The following MTOR variants were observed in gnomAD, a reference collection of about 807,000 sequenced individuals.
MTOR encodes serine/threonine-protein kinase mTOR.
A neutral mutation model predicts 319.8 loss-of-function variants in MTOR; 70 were observed. The observed-to-expected ratio is 0.22, with a 90% CI of 0.18 to 0.27. The LOEUF (loss-of-function observed/expected upper bound fraction) is 0.27, where lower values mean the gene tolerates loss of function less well. Ranked by LOEUF, MTOR falls within the 10% of genes least tolerant of loss-of-function variation. The pLI is 1.00. For synonymous variants in MTOR, 1,183 were observed against 1,211.4 expected (o/e 0.98, Z 0.49); for missense variants, 1,890 against 3,274.4 (o/e 0.58, Z 10.32).
chr1:11,119,067 C>T (rs1325945521), intron 49 of MTOR, among the ~76,000 whole-genome samples: 1 of 152,118 alleles, frequency 6.6e-6, no homozygotes, highest in African/African-American at 2.4e-5. Context: ...AAAAAAAACC[C>T]TGTAACTAGT....
intron 28 of MTOR, among the ~76,000 whole-genome samples, chr1:11,185,105 G>C (rs1645272402): frequency 6.6e-6 from 1 of 152,102 alleles, no homozygotes; most frequent in Non-Finnish European, 1.5e-5. Flanking sequence ...CTTGTCCTCT[G>C]TGTCTCCCAT....
In MTOR at chr1:11,167,573, G is replaced by A. The variant is rs1385097037; in HGVS notation, c.4254-56C>T. On this transcript the variant is annotated intron_variant, in intron 28 of 57. Transcript: ENST00000361445. ...CTCAACAGGTCTGAGGGTAGGAGAT[G>A]TGGGGGTCATTTGTGGGCAGATGGT... 2.1e-6 allele frequency: 3 copies of A among 1,408,694 alleles called. No homozygotes were observed. In the Admixed American group the frequency reaches 5.0e-5, roughly 24 times the overall value. The allele number at this position is 1,408,694 out of a possible 1,614,324, so 87.3% of individuals were successfully genotyped here.
In MTOR at chr1:11,239,800, G is replaced by T. The variant is rs535741770; in HGVS notation, c.1786+503C>A. On this transcript the variant is annotated intron_variant, in intron 11 of 57. Transcript: ENST00000361445. Reference sequence around the variant, plus strand: ...CGCGCCTATAGTCCCAGCTACTCGGGAGGCTGTGGCAGGAGAATCGCTTGA... The same window carrying T: ...CGCGCCTATAGTCCCAGCTACTCGGTAGGCTGTGGCAGGAGAATCGCTTGA... Among the ~76,000 whole-genome samples the T allele has an allele frequency of 1.6e-3, 246 of 151,980 alleles. 1 individual carries two copies. The highest frequency in any genetic ancestry group is 5.6e-3 in the African/African-American group (234 of 41,420).
At chr1:11,235,705 C>A (rs974200513) in intron 13 of MTOR, among the ~76,000 whole-genome samples, 1 of 152,108 alleles carries the variant, frequency 6.6e-6, no homozygotes, top group African/African-American at 2.4e-5. Context: ...TAGAGCCAGC[C>A]GGGCGAGGTG....
intron 30 of MTOR, among the ~76,000 whole-genome samples, chr1:11,151,949 GT>G (rs1418267865): frequency 1.3e-5 from 2 of 152,194 alleles, no homozygotes; most frequent in Non-Finnish European, 2.9e-5. Context: ...AGCAAGTTCA[GT>G]GCTGAAATCC....
chr1:11,124,425 G>A (rs1642712686), intron 47 of MTOR, 73 bp downstream of exon 47: 2 of 1,553,924 alleles, frequency 1.3e-6, no homozygotes, highest in Admixed American at 1.8e-5. Flanking sequence ...TATAATACAT[G>A]ACTACACGAG....
At chr1:11,170,584 C>A (rs1430570239) in intron 28 of MTOR, among the ~76,000 whole-genome samples, 2 of 151,116 alleles carry the variant, frequency 1.3e-5, no homozygotes, top group African/African-American at 2.4e-5. Context: ...AAAAAGAAAG[C>A]CAGTATATAG....
rs1182513423 is a variant in MTOR at position 11,127,032 on chromosome 1, C to A, written c.6329G>T (p.Arg2110Leu). The stretch of plus-strand genomic sequence containing the variant: ...TACCTGAGGCAGCTGCTTTGAGATT[C>A]GTCGGAACACATGATAATAGAGGTC... The part of the protein sequence containing the change: ...AWDLYYHVFR[R>L]ISKQLPQLTS... Residue 2110 changes from arginine to leucine, a missense_variant, in exon 45 of 58, where the codon CGA becomes CTA. Physicochemically the swap from Arg to Leu is moderately radical, Grantham distance 102. Around this residue, in one of 15 missense-constraint regions of MTOR, gnomAD observed 249 missense variants for 596.2 expected, o/e 0.42. Transcript: ENST00000361445. The surrounding 1 kb of genome is among the most constrained non-coding windows in gnomAD (Gnocchi z 5.5). The A allele has an allele frequency of 6.2e-7, 1 of 1,614,128 alleles. No homozygotes were observed. Among genetic ancestry groups the A allele is most frequent in the South Asian group, 1.1e-5 (1 of 91,072 alleles).
chr1:11,142,022 T>TA (rs1643735050), intron 34 of MTOR, among the ~76,000 whole-genome samples: 1 of 151,050 alleles, frequency 6.6e-6, no homozygotes, highest in Non-Finnish European at 1.5e-5. Flanking sequence ...AATAAATAAA[T>TA]AAATAAAATA....
chr1:11,148,632 T>C (rs566998615), intron 31 of MTOR, among the ~76,000 whole-genome samples: 2 of 152,266 alleles, frequency 1.3e-5, no homozygotes, highest in South Asian at 4.2e-4. Flanking sequence ...CCAGGCGCTG[T>C]GGCTCACACC....
intron 28 of MTOR, among the ~76,000 whole-genome samples, chr1:11,177,405 A>G (rs1369085910): frequency 6.6e-6 from 1 of 152,126 alleles, no homozygotes; most frequent in African/African-American, 2.4e-5. Flanking sequence ...AAAAAATTTA[A>G]AAATTAGCTG....
rs1316350704 is a variant in MTOR, at chr1:11,121,404, C to T, written c.6811-36G>A. 6.2e-7 allele frequency: 1 copy of T among 1,611,668 alleles called. No individual in the cohort carries two copies. The highest frequency in any genetic ancestry group is 8.5e-7 in the Non-Finnish European group (1 of 1,179,184). The stretch of plus-strand genomic sequence containing the variant: ...ACACAACTGTTCAGTAAGAGAGCAG[C>T]CTAAGACATGTAGTTTGGGTCCAGG... On this transcript the variant is annotated intron_variant, in intron 48 of 57. Transcript: ENST00000361445. This position sits in a 1 kb window ranked among gnomAD's most constrained non-coding sequence, Gnocchi z 4.9.
At chr1:11,196,840 G>A (rs1354734753) in intron 28 of MTOR, among the ~76,000 whole-genome samples, 3 of 146,906 alleles carry the variant, frequency 2.0e-5, no homozygotes, top group Admixed American at 6.8e-5. Context: ...GACAGAGCGC[G>A]ACTCCATCTA....
At chr1:11,156,508 C>A (rs1644323654) in intron 30 of MTOR, among the ~76,000 whole-genome samples, 3 of 152,260 alleles carry the variant, frequency 2.0e-5, no homozygotes, top group African/African-American at 7.2e-5. Flanking sequence ...TTCCCCCCTA[C>A]CTTCTCCTTT....
intron 18 of MTOR, 125 bp from the exon 19 acceptor site, chr1:11,229,043 T>C (rs1646935800): frequency 8.1e-7 from 1 of 1,232,420 alleles, no homozygotes; most frequent in Non-Finnish European, 1.1e-6. Context: ...CCTAGTATGT[T>C]CTAACACTGT....
At chr1:11,172,149 C>T (rs1216549804) in intron 28 of MTOR, among the ~76,000 whole-genome samples, 7 of 150,818 alleles carry the variant, frequency 4.6e-5, no homozygotes, top group Admixed American at 4.6e-4. Context: ...GGAAAGAGGG[C>T]AACAGGCTGG....
At chr1:11,134,279 C>T in intron 37 of MTOR, 72 bp downstream of exon 37, 1 of 1,405,658 alleles carries the variant, frequency 7.1e-7, no homozygotes, top group Non-Finnish European at 1.0e-6. Flanking sequence ...GCCTTGAACT[C>T]CTCCTTGCTG....
chr1:11,146,537 C>G, intron 32 of MTOR, 139 bp downstream of exon 32: 1 of 673,278 alleles, frequency 1.5e-6, no homozygotes, highest in Admixed American at 2.4e-5. Flanking sequence ...TACAATGAAT[C>G]AAAACCATTC....
Position 11,216,128 on chromosome 1 carries a change from A to C in MTOR, c.3117+20T>G. The C allele has an allele frequency of 4.4e-6, 7 of 1,588,406 alleles. No homozygotes were observed. Among genetic ancestry groups the C allele is most frequent in the Non-Finnish European group, 6.0e-6 (7 of 1,157,550 alleles). On this transcript the variant is annotated intron_variant, in intron 20 of 57. Coordinates refer to ENST00000361445, the MANE Select transcript of MTOR (RefSeq NM_004958.4). ...CTTGACCCAAACATGGAAGAGGCCA[A>C]AGCATTAACTTCTACTCACTCTCAT...
Sources: gnomAD v4.1 joint callset for allele counts (sites outside exome capture counted in the v4.1 genomes callset) on GRCh38, gnomAD v4.1.1 for gene constraint, gnomAD v4.1.1 regional missense constraint, Gnocchi (gnomAD v3.1) non-coding constraint, MANE v1.5 for transcripts, NCBI Gene and HGNC (gene_info 2026-07-23, HGNC 2026-07-21) for gene names.